MTARC1: variants seen among roughly 807,000 people sequenced by gnomAD.
MTARC1 encodes mitochondrial amidoxime reducing component 1.
Under a neutral mutation model 33.6 loss-of-function variants are expected in MTARC1, and 24 were observed. That is an observed-to-expected ratio of 0.72 (90% CI 0.52 to 1.01). The LOEUF is 1.01. MTARC1 is among the 50% of genes least tolerant of loss of function. The probability of loss-of-function intolerance (pLI) is 0.00; values close to 1 mark genes in which losing one functional copy is unlikely to be tolerated. For synonymous variants in MTARC1, 187 were observed against 189.5 expected, an observed-to-expected ratio of 0.99 and a Z score of 0.11; for missense variants, 417 against 445.7, an observed-to-expected ratio of 0.94 and a Z score of 0.58.
chr1:220,812,020 G>C (rs868350404), intron 6 of MTARC1, among the ~76,000 whole-genome samples: 1 of 152,346 alleles, frequency 6.6e-6, no homozygotes, highest in South Asian at 2.1e-4. Flanking sequence ...GAGGGGCAAA[G>C]AGAATTGAGG....
intron 3 of MTARC1, 85 bp downstream of exon 3, chr1:220,796,890 CTGT>C (rs1672639788): frequency 3.6e-6 from 5 of 1,397,416 alleles, no homozygotes; most frequent in Non-Finnish European, 4.8e-6. Flanking sequence ...GACCTCGGCT[CTGT>C]TGTTTTCTGG....
At position 220,813,552 on chromosome 1, in the gene MTARC1, T is replaced by G; in HGVS notation, c.*134T>G. ...TTTGTGATTTTCACATTTTTCGTCT[T>G]TTGGACTTCTGGTGTCTCAATGCTT... On this transcript the variant is annotated 3_prime_UTR_variant, in exon 7 of 7. Transcript: ENST00000366910. 1 of 1,254,654 alleles carries G rather than the reference T, an allele frequency of 8.0e-7. No individual in the cohort carries two copies. The highest frequency in any genetic ancestry group is 1.1e-6 in the Non-Finnish European group (1 of 914,596). 77.7% of individuals were successfully genotyped at this position (1,254,654 alleles called of 1,614,324 possible).
chr1:220,806,772 G>A (rs957188416), intron 6 of MTARC1, among the ~76,000 whole-genome samples: 5 of 152,218 alleles, frequency 3.3e-5, no homozygotes, highest in African/African-American at 4.8e-5. Context: ...TAGGAGATAA[G>A]TCCCAGAGTG....
Position 220,787,120 on chromosome 1 carries a change from C to T in MTARC1, c.176C>T (p.Ala59Val). 1 of 1,547,282 alleles carries T rather than the reference C, an allele frequency of 6.5e-7. No individual in the cohort carries two copies. Among genetic ancestry groups the T allele is most frequent in the Non-Finnish European group, 8.7e-7 (1 of 1,148,690 alleles). ...RRLLQQVGTVAQLWIYPVKSC... is the reference protein window; with the variant it reads ...RRLLQQVGTVVQLWIYPVKSC... ...CTGCTGCAGCAGGTGGGCACAGTGGCGCAGCTCTGGATCTACCCTGTGAAA... is the reference window on the plus strand; with the variant it reads ...CTGCTGCAGCAGGTGGGCACAGTGGTGCAGCTCTGGATCTACCCTGTGAAA... The change falls in exon 1 of 7, where the codon GCG (alanine) becomes GTG (valine). Residue 59 changes from alanine to valine, a missense_variant. By Grantham distance (64) the Ala-to-Val change is moderately conservative. Transcript: ENST00000366910.
At chr1:220,804,401 T>A (rs1312723922) in intron 4 of MTARC1, among the ~76,000 whole-genome samples, 1 of 152,160 alleles carries the variant, frequency 6.6e-6, no homozygotes, top group Non-Finnish European at 1.5e-5. Flanking sequence ...TAGAATTCCA[T>A]GTATGGATGG....
chr1:220,798,133 A>G (rs1331712093), intron 4 of MTARC1, 119 bp downstream of exon 4: 2 of 1,609,734 alleles, frequency 1.2e-6, no homozygotes, highest in Admixed American at 1.7e-5. Flanking sequence ...TCTGTAATAC[A>G]TAACAATTTG....
chr1:220,810,171 T>C (rs1673086277), intron 6 of MTARC1, among the ~76,000 whole-genome samples: 1 of 152,208 alleles, frequency 6.6e-6, no homozygotes, highest in Admixed American at 6.5e-5. Context: ...TTTAATTTAT[T>C]AATACCAACA....
chr1:220,802,624 G>A (rs1392190585), intron 4 of MTARC1, among the ~76,000 whole-genome samples: 1 of 152,178 alleles, frequency 6.6e-6, no homozygotes, highest in African/African-American at 2.4e-5. Flanking sequence ...GAGCCACTGC[G>A]CCTGGCCCCC....
rs1176684767 is a variant in MTARC1, at chr1:220,787,225, G to T, written c.275+6G>T. ...AGCGGCAACCTGCGGGACAGGTACGGCCAAGCGCCGGCGCGGGGCAGCGCT... is the reference window on the plus strand; with the variant it reads ...AGCGGCAACCTGCGGGACAGGTACGTCCAAGCGCCGGCGCGGGGCAGCGCT... On this transcript the variant is annotated splice_donor_region_variant and intron_variant, in intron 1 of 6. Transcript: ENST00000366910. 1.2e-5 allele frequency: 18 copies of T among 1,559,264 alleles called. No homozygotes were observed.
chr1:220,812,959 G>C (rs961779804), intron 6 of MTARC1, among the ~76,000 whole-genome samples: 12 of 152,060 alleles, frequency 7.9e-5, no homozygotes, highest in African/African-American at 2.4e-4. Context: ...CTCCATCCTG[G>C]TTGTGATCTG....
intron 6 of MTARC1, among the ~76,000 whole-genome samples, chr1:220,805,658 G>A (rs1672949215): frequency 6.6e-6 from 1 of 152,186 alleles, no homozygotes; most frequent in South Asian, 2.1e-4. Context: ...TGAAATATGT[G>A]TGTAGGAGTG....
chr1:220,809,581 C>T (rs577181965), intron 6 of MTARC1, among the ~76,000 whole-genome samples: 1 of 152,296 alleles, frequency 6.6e-6, no homozygotes, highest in African/African-American at 2.4e-5. Flanking sequence ...GCAATCTCAG[C>T]TCTCTGCAAC....
chr1:220,812,850 G>A (rs1274802401), intron 6 of MTARC1, among the ~76,000 whole-genome samples: 1 of 151,682 alleles, frequency 6.6e-6, no homozygotes, highest in Non-Finnish European at 1.5e-5. Context: ...TCAGCCTCCC[G>A]AGTAGCTGGG....
chr1:220,802,983 T>C (rs1377949425), intron 4 of MTARC1, among the ~76,000 whole-genome samples: 2 of 152,204 alleles, frequency 1.3e-5, no homozygotes, highest in Non-Finnish European at 2.9e-5. Context: ...AACTTCCCAC[T>C]CAATCATTAC....
intron 4 of MTARC1, among the ~76,000 whole-genome samples, chr1:220,799,521 T>TG (rs1395631178): frequency 6.6e-6 from 1 of 151,848 alleles, no homozygotes; most frequent in African/African-American, 2.4e-5. Flanking sequence ...GAGAAATGAG[T>TG]GGGGAGGGTT....
intron 6 of MTARC1, chr1:220,809,000 G>A (rs1257274542): frequency 2.2e-6 from 1 of 452,100 alleles, no homozygotes; most frequent in Admixed American, 2.6e-5. Flanking sequence ...CGTTTTGCTG[G>A]ATGCACGAAT....
intron 4 of MTARC1, among the ~76,000 whole-genome samples, chr1:220,804,821 G>A (rs1672922721): frequency 6.6e-6 from 1 of 150,884 alleles, no homozygotes; most frequent in Non-Finnish European, 1.5e-5. Flanking sequence ...TTACAAGTGA[G>A]AGGAGAGGGA....
chr1:220,797,770 G>A, intron 3 of MTARC1, 104 bp from the exon 4 acceptor site: 1 of 1,017,878 alleles, frequency 9.8e-7, no homozygotes, highest in Non-Finnish European at 1.5e-6. Context: ...AAGATTGTGT[G>A]TGGGGTGGGG....
At position 220,813,287 on chromosome 1, in the gene MTARC1, T is replaced by G; in HGVS notation, c.888-5T>G. On this transcript the variant is annotated splice_polypyrimidine_tract_variant and splice_region_variant and intron_variant, in intron 6 of 6. Coordinates refer to ENST00000366910, the MANE Select transcript of MTARC1 (RefSeq NM_022746.4). ...GTGACTCATCATGATCTTTTCCTAT[T>G]GCAGTTATCGCCAGTGTGACCCTTC... 6.2e-7 allele frequency: 1 copy of G among 1,614,084 alleles called. No homozygotes were observed. Among genetic ancestry groups the G allele is most frequent in the Non-Finnish European group, 8.5e-7 (1 of 1,180,000 alleles).
Sources: gnomAD v4.1 joint callset for allele counts (sites outside exome capture counted in the v4.1 genomes callset) on GRCh38, gnomAD v4.1.1 for gene constraint, MANE v1.5 for transcripts, NCBI Gene and HGNC (gene_info 2026-07-23, HGNC 2026-07-21) for gene names.